Variants in PRKAR2A observed in about 807,000 individuals in gnomAD.
The protein encoded by PRKAR2A is protein kinase cAMP-dependent type II regulatory subunit alpha, also known as cAMP-dependent protein kinase type II-alpha regulatory subunit.
PRKAR2A carries 29 observed loss-of-function variants against 51.9 expected under a neutral mutation model. The ratio of observed to expected loss-of-function variants is 0.56; its 90% CI spans 0.42 to 0.76. The LOEUF (loss-of-function observed/expected upper bound fraction) is 0.76. PRKAR2A is among the 30% of genes least tolerant of loss of function. PRKAR2A has a pLI of 0.00. For synonymous variants in PRKAR2A, 178 were observed against 186.2 expected, an observed-to-expected ratio of 0.96 and a Z score of 0.36; for missense variants, 445 against 512.1, an observed-to-expected ratio of 0.87 and a Z score of 1.26.
intron 6 of PRKAR2A, among the ~76,000 whole-genome samples, chr3:48,769,519 C>G (rs1355591209): frequency 6.6e-6 from 1 of 151,740 alleles, no homozygotes; most frequent in African/African-American, 2.4e-5. Flanking sequence ...TCTTGTTGAC[C>G]AGGTTGGAGT....
At chr3:48,752,914 T>TC (rs1255115322) in intron 9 of PRKAR2A, among the ~76,000 whole-genome samples, 1 of 113,888 alleles carries the variant, frequency 8.8e-6, no homozygotes, top group African/African-American at 3.3e-5. Flanking sequence ...GGTTCCCTCC[T>TC]CCTTTTTTTT....
At chr3:48,815,111 G>A (rs191949602) in intron 1 of PRKAR2A, among the ~76,000 whole-genome samples, 2 of 151,778 alleles carry the variant, frequency 1.3e-5, no homozygotes, top group African/African-American at 2.4e-5. Context: ...ACAGGGTTTC[G>A]CCATGTCAGC....
intron 8 of PRKAR2A, among the ~76,000 whole-genome samples, chr3:48,757,182 T>G (rs2081784893): frequency 6.6e-6 from 1 of 152,068 alleles, no homozygotes; most frequent in Admixed American, 6.5e-5. Context: ...AAGAGGGTGG[T>G]GAAAAGGGAA....
chr3:48,753,343 A>T (rs1205331937), intron 9 of PRKAR2A, among the ~76,000 whole-genome samples: 2 of 152,050 alleles, frequency 1.3e-5, no homozygotes, highest in Non-Finnish European at 2.9e-5. Context: ...AATTTAAGTA[A>T]ATAATTGTTT....
Position 48,748,255 on chromosome 3 carries a change from G to A in PRKAR2A, c.*3330C>T, listed in dbSNP as rs1025691013. 2.0e-5 allele frequency: 3 copies of A among 150,636 alleles called. No individual in the cohort carries two copies. Among genetic ancestry groups the A allele is most frequent in the African/African-American group, 7.3e-5 (3 of 40,924 alleles). 9.3% of individuals were successfully genotyped at this position (150,636 alleles called of 1,614,324 possible). A position where few individuals can be genotyped will look rare whatever the true frequency, so the allele number is the denominator to read the frequency against. ...GAATCCTTTCACCTCAGCCTACTGAGTGTGCACCACCAGGTCCAGCTAATT... is the reference window on the plus strand; with the variant it reads ...GAATCCTTTCACCTCAGCCTACTGAATGTGCACCACCAGGTCCAGCTAATT... On this transcript the variant is annotated 3_prime_UTR_variant, in exon 11 of 11. Coordinates refer to ENST00000265563, the MANE Select transcript of PRKAR2A (RefSeq NM_004157.4).
At position 48,816,787 on chromosome 3, in the gene PRKAR2A, G is replaced by A. The variant is rs1406515300; in HGVS notation, c.263-9103C>T. 2.6e-5 allele frequency among the ~76,000 whole-genome samples: 4 copies of A among 152,240 alleles called. No homozygotes were observed. In the East Asian group the frequency reaches 7.7e-4, roughly 29 times the overall value. ...TTTTTCCAGGGCAACCACAGAGCAA[G>A]TTTACCCACCCAATGCAAGTTTAAA... On this transcript the variant is annotated intron_variant, in intron 1 of 10. Transcript: ENST00000265563.
chr3:48,845,420 T>C (rs1458890266), intron 1 of PRKAR2A, among the ~76,000 whole-genome samples: 1 of 152,200 alleles, frequency 6.6e-6, no homozygotes, highest in Non-Finnish European at 1.5e-5. Flanking sequence ...ACTCCTTCCC[T>C]GCCGTGACTT....
intron 1 of PRKAR2A, among the ~76,000 whole-genome samples, chr3:48,846,964 T>C (rs1349652692): frequency 6.6e-6 from 1 of 152,238 alleles, no homozygotes; most frequent in Non-Finnish European, 1.5e-5. Context: ...CAAACAAACT[T>C]ACTGTCCTAT....
chr3:48,780,602 C>CAAAAAAAAAAAAAAAAAAAAA (rs568780150), intron 5 of PRKAR2A, among the ~76,000 whole-genome samples: 1 of 49,358 alleles, frequency 2.0e-5, no homozygotes, highest in Non-Finnish European at 4.3e-5. Context: ...GACTCCGTCT[C>CAAAAAAAAAAAAAAAAAAAAA]AAAAAAAAAA....
At chr3:48,824,569 GAAAGAAAGAAA>G (rs2083027408) in intron 1 of PRKAR2A, among the ~76,000 whole-genome samples, 1 of 144,466 alleles carries the variant, frequency 6.9e-6, no homozygotes. Context: ...AAGAAAGAAA[GAAAGAAAGAAA>G]GAAAGAAAGA....
chr3:48,841,437 C>T (rs146817999), intron 1 of PRKAR2A, among the ~76,000 whole-genome samples: 4 of 146,848 alleles, frequency 2.7e-5, no homozygotes, highest in Non-Finnish European at 3.0e-5. Flanking sequence ...CCCAGCTACT[C>T]GGAAGGCTGA....
intron 5 of PRKAR2A, among the ~76,000 whole-genome samples, chr3:48,775,386 C>T (rs765662825): frequency 1.3e-5 from 2 of 151,278 alleles, no homozygotes; most frequent in South Asian, 2.1e-4. Context: ...TGCAGTGAGC[C>T]GAGATCATGT....
rs1404349685 is a variant in PRKAR2A at position 48,747,618 on chromosome 3, TATTG to T, written c.*3963_*3966del. ...ATGTAACACAATTATATATGAAGACTATTGACTAACAGGACAATAGCACATGAAC... is the reference window on the plus strand; with the variant it reads ...ATGTAACACAATTATATATGAAGACTACTAACAGGACAATAGCACATGAAC... On this transcript the variant is annotated 3_prime_UTR_variant, in exon 11 of 11. Coordinates refer to ENST00000265563, the MANE Select transcript of PRKAR2A (RefSeq NM_004157.4). The T allele has an allele frequency of 1.3e-5, 2 of 152,224 alleles. No individual in the cohort carries two copies. The highest frequency in any genetic ancestry group is 3.8e-4 in the East Asian group (2 of 5,198). 9.4% of individuals were successfully genotyped at this position (152,224 alleles called of 1,614,324 possible).
rs368365936 is a variant in PRKAR2A at position 48,826,289 on chromosome 3, G to A, written c.263-18605C>T. ...CTCAAAAAAATTCAGGGGTTCCCATGACCCCTCTGGTTCAATATTCACTAG... is the reference window on the plus strand; with the variant it reads ...CTCAAAAAAATTCAGGGGTTCCCATAACCCCTCTGGTTCAATATTCACTAG... On this transcript the variant is annotated intron_variant, in intron 1 of 10. Transcript: ENST00000265563. 1.2e-4 allele frequency among the ~76,000 whole-genome samples: 18 copies of A among 152,224 alleles called. No individual in the cohort carries two copies. In the East Asian group the frequency reaches 2.5e-3, roughly 21 times the overall value.
intron 1 of PRKAR2A, among the ~76,000 whole-genome samples, chr3:48,841,458 T>C (rs1210193557): frequency 6.9e-6 from 1 of 145,060 alleles, no homozygotes; most frequent in Non-Finnish European, 1.5e-5. Flanking sequence ...GGTGGGAGAA[T>C]TGCTTGAACC....
chr3:48,785,286 A>G (rs2082270926), intron 4 of PRKAR2A, among the ~76,000 whole-genome samples: 1 of 139,368 alleles, frequency 7.2e-6, no homozygotes, highest in Admixed American at 7.4e-5. Flanking sequence ...TTTGAGACAG[A>G]GTCTCGCTCT....
intron 4 of PRKAR2A, 39 bp downstream of exon 4, chr3:48,790,505 A>G: frequency 7.1e-7 from 1 of 1,408,188 alleles, no homozygotes; most frequent in Admixed American, 2.5e-5. Context: ...CAAAGCTAAA[A>G]GATCATTATA....
At chr3:48,839,792 T>C (rs2083347324) in intron 1 of PRKAR2A, among the ~76,000 whole-genome samples, 1 of 152,182 alleles carries the variant, frequency 6.6e-6, no homozygotes, top group Admixed American at 6.6e-5. Context: ...CATATCCTAT[T>C]TCTAATTTAA....
intron 1 of PRKAR2A, among the ~76,000 whole-genome samples, chr3:48,818,016 G>A (rs768815514): frequency 6.6e-6 from 1 of 152,170 alleles, no homozygotes; most frequent in Non-Finnish European, 1.5e-5. Flanking sequence ...CAGCAGAGGA[G>A]AGAAATTGTT....
Sources: gnomAD v4.1 joint callset for allele counts (sites outside exome capture counted in the v4.1 genomes callset) on GRCh38, gnomAD v4.1.1 for gene constraint, MANE v1.5 for transcripts, NCBI Gene and HGNC (gene_info 2026-07-23, HGNC 2026-07-21) for gene names.